KARS1: variants seen among roughly 807,000 people sequenced by gnomAD.
The protein encoded by KARS1 is lysyl-tRNA synthetase 1, also known as lysine--tRNA ligase.
In KARS1, 50 loss-of-function variants were observed where a neutral mutation model predicts 63.9. The observed-to-expected ratio is 0.78, with a 90% CI of 0.62 to 0.99. The LOEUF (loss-of-function observed/expected upper bound fraction) is 0.99. Among genes scored for constraint, KARS1 ranks in the 50% least tolerant of loss-of-function variants. KARS1 has a pLI of 0.00. For missense variants in KARS1, 816 were observed against 754.5 expected, an observed-to-expected ratio of 1.08 and a Z score of -0.95; for synonymous variants, 320 against 264.6, an observed-to-expected ratio of 1.21 and a Z score of -2.03.
intron 7 of KARS1, among the ~76,000 whole-genome samples, chr16:75,632,545 T>C (rs568231767): frequency 6.6e-6 from 1 of 152,336 alleles, no homozygotes; most frequent in South Asian, 2.1e-4. Context: ...GAATTCATTC[T>C]GGTGAAGGGG....
chr16:75,644,309 C>T (rs761030474), intron 1 of KARS1: 2 of 1,605,520 alleles, frequency 1.2e-6, no homozygotes, highest in South Asian at 1.1e-5. Context: ...ATGACTTGTC[C>T]TTGTGAGGCG....
In KARS1 at chr16:75,644,462, C is replaced by T. The variant is rs751038220; in HGVS notation, c.63-2739G>A. 1.3e-5 allele frequency: 21 copies of T among 1,587,532 alleles called. No individual in the cohort carries two copies. Among genetic ancestry groups the T allele is most frequent in the Non-Finnish European group, 1.8e-5 (21 of 1,164,102 alleles). On this transcript the variant is annotated intron_variant, in intron 1 of 13. Coordinates refer to ENST00000302445, the MANE Select transcript of KARS1 (RefSeq NM_005548.3). ...ACCCTGGAACTAATGATTACCACCA[C>T]CTAGCGGGAAACACAGAGATGTGGT... is the stretch of plus-strand genomic sequence containing the variant.
intron 1 of KARS1, among the ~76,000 whole-genome samples, chr16:75,645,226 T>C (rs2082268059): frequency 6.6e-6 from 1 of 152,118 alleles, no homozygotes; most frequent in African/African-American, 2.4e-5. Flanking sequence ...TTTTAGCTCA[T>C]GGTAACGAGA....
chr16:75,627,869 G>C lies in KARS1; in HGVS notation c.*26C>G, dbSNP rs78654839. The C allele has an allele frequency of 8.8e-3, 11,376 of 1,293,254 alleles. 95 individuals are homozygous for C. Among genetic ancestry groups the C allele is most frequent in the Non-Finnish European group, 8.8e-3 (7,841 of 887,902 alleles). The allele number at this position is 1,293,254 out of a possible 1,614,324, so 80.1% of individuals were successfully genotyped here. A position where few individuals can be genotyped will look rare whatever the true frequency, so the allele number is the denominator to read the frequency against. ...TTCGCAGAAATGCAAAGACGCCTGA[G>C]TTATACAACTTGCAATTATTATTTT... On this transcript the variant is annotated 3_prime_UTR_variant, in exon 14 of 14. Coordinates refer to ENST00000302445, the MANE Select transcript of KARS1 (RefSeq NM_005548.3).
In KARS1 at chr16:75,630,801, A is replaced by G. The variant is rs2082103854; in HGVS notation, c.1339-293T>C. Among the ~76,000 whole-genome samples the G allele has an allele frequency of 2.0e-5, 3 of 151,842 alleles. No individual in the cohort carries two copies. The South Asian group carries it at 6.2e-4, about 32-fold the overall frequency. ...AGGTGCCCGCCACCATACCCAGCTC[A>G]TTTTTGGATTTTTTGTAGAGACAGG... On this transcript the variant is annotated intron_variant, in intron 10 of 13. Coordinates refer to ENST00000302445, the MANE Select transcript of KARS1 (RefSeq NM_005548.3).
intron 3 of KARS1, 114 bp downstream of exon 3, chr16:75,640,070 G>A (rs971482834): frequency 1.8e-5 from 15 of 854,422 alleles, no homozygotes; most frequent in Non-Finnish European, 8.1e-6. Flanking sequence ...TAGTAAAGTA[G>A]CTTCAGACAC....
chr16:75,644,918 T>C (rs1341155343), intron 1 of KARS1, among the ~76,000 whole-genome samples: 1 of 152,176 alleles, frequency 6.6e-6, no homozygotes, highest in Non-Finnish European at 1.5e-5. Context: ...CAAAAATACG[T>C]GTCAAAGAGA....
rs1310104705 is a variant in KARS1, at chr16:75,640,230, G to A, written c.342C>T (p.His114=). Residue 114 remains histidine, a synonymous_variant, in exon 3 of 14, where the codon CAC becomes CAT. Coordinates refer to ENST00000302445, the MANE Select transcript of KARS1 (RefSeq NM_005548.3). ...SLTDFIQKYS[H]LQPGDHLTDI... The stretch of plus-strand genomic sequence containing the variant: ...CAGTCAGGTGATCCCCAGGCTGCAG[G>A]TGACTATATTTTTGGATGAAGTCAG... 6.2e-7 allele frequency: 1 copy of A among 1,614,076 alleles called. No homozygotes were observed.
At chr16:75,636,322 C>T in intron 4 of KARS1, 132 bp downstream of exon 4, 2 of 801,552 alleles carry the variant, frequency 2.5e-6, no homozygotes, top group Non-Finnish European at 2.2e-6. Context: ...ACATTATCCT[C>T]TTCTCAGCCT....
chr16:75,640,190 C>A lies in KARS1; in HGVS notation c.382G>T (p.Val128Leu). The A allele has an allele frequency of 6.2e-7, 1 of 1,614,040 alleles. No individual in the cohort carries two copies. Among genetic ancestry groups the A allele is most frequent in the Non-Finnish European group, 8.5e-7 (1 of 1,179,958 alleles). ...TGCCAGGGAGAGTTCCTACCTGCCA[C>A]CTTTAAGGTGATGTCAGTCAGGTGA... ...GDHLTDITLK[V>L]AGRIHAKRAS... Residue 128 changes from valine (V) to leucine (L), a missense_variant, in exon 3 of 14, where the codon GTG becomes TTG. Val to Leu is a conservative substitution (Grantham distance 32). Coordinates refer to ENST00000302445, the MANE Select transcript of KARS1 (RefSeq NM_005548.3).
intron 1 of KARS1, among the ~76,000 whole-genome samples, chr16:75,643,665 C>T (rs1177691483): frequency 6.6e-6 from 1 of 152,186 alleles, no homozygotes; most frequent in Non-Finnish European, 1.5e-5. Flanking sequence ...AGGCGTGAGC[C>T]ACCACGCCTG....
intron 1 of KARS1, among the ~76,000 whole-genome samples, chr16:75,646,467 G>T (rs1391700430): frequency 2.0e-5 from 3 of 151,762 alleles, no homozygotes; most frequent in Admixed American, 2.0e-4. Flanking sequence ...CTTGAACCCT[G>T]GCAGCGAAGG....
At chr16:75,634,129 C>T in intron 7 of KARS1, 44 bp downstream of exon 7, 2 of 1,606,246 alleles carry the variant, frequency 1.2e-6, no homozygotes, top group Non-Finnish European at 1.7e-6. Context: ...GGTATTCCAG[C>T]TTTCTGCTTC....
At chr16:75,644,450 T>C (rs1193905688) in intron 1 of KARS1, 2 of 1,600,278 alleles carry the variant, frequency 1.2e-6, no homozygotes, top group South Asian at 1.1e-5. Context: ...CTGGAACTAA[T>C]GATTACCACC....
At chr16:75,647,317 A>C in intron 1 of KARS1, 1 of 594,564 alleles carries the variant, frequency 1.7e-6, no homozygotes, top group Non-Finnish European at 3.0e-6. Context: ...TTCTCGTCCT[A>C]GTTCCTCCTC....
intron 7 of KARS1, among the ~76,000 whole-genome samples, chr16:75,632,390 T>C (rs2082123645): frequency 6.6e-6 from 1 of 152,188 alleles, no homozygotes; most frequent in Non-Finnish European, 1.5e-5. Flanking sequence ...GTCTTGGGCA[T>C]CCCCCATCAT....
At chr16:75,632,183 C>T (rs371454288) in intron 7 of KARS1, among the ~76,000 whole-genome samples, 13 of 152,308 alleles carry the variant, frequency 8.5e-5, no homozygotes, top group African/African-American at 3.1e-4. Context: ...AGCCACCGCG[C>T]CCGGCCCCAT....
intron 11 of KARS1, 147 bp from the exon 12 acceptor site, chr16:75,629,688 C>G: frequency 1.2e-6 from 1 of 843,558 alleles, no homozygotes; most frequent in South Asian, 1.3e-5. Flanking sequence ...CAACCTCTGT[C>G]TCCTGGGTTC....
At chr16:75,643,377 AC>A (rs1351091299) in intron 1 of KARS1, among the ~76,000 whole-genome samples, 1 of 143,850 alleles carries the variant, frequency 7.0e-6, no homozygotes, top group Non-Finnish European at 1.5e-5. Context: ...TGAATCTTTC[AC>A]CTTTTTTTTT....
Sources: gnomAD v4.1 joint callset for allele counts (sites outside exome capture counted in the v4.1 genomes callset) on GRCh38, gnomAD v4.1.1 for gene constraint, MANE v1.5 for transcripts, NCBI Gene and HGNC (gene_info 2026-07-23, HGNC 2026-07-21) for gene names.